Variants in NTRK2 observed in about 807,000 individuals in gnomAD.
The protein encoded by NTRK2 is neurotrophic receptor tyrosine kinase 2.
Under a neutral mutation model 94.5 loss-of-function variants are expected in NTRK2, and 13 were observed. The ratio of observed to expected loss-of-function variants is 0.14; its 90% CI spans 0.09 to 0.22. The LOEUF is 0.22. NTRK2 is among the 10% of genes least tolerant of loss of function. NTRK2 has a pLI of 1.00. For missense variants in NTRK2, 639 were observed against 1,071.2 expected, an observed-to-expected ratio of 0.60 and a Z score of 5.63; for synonymous variants, 372 against 407.4, an observed-to-expected ratio of 0.91 and a Z score of 1.05.
chr9:84,702,058 G>T, intron 2 of NTRK2, 101 bp from the exon 3 acceptor site: 1 of 1,005,350 alleles, frequency 9.9e-7, no homozygotes, highest in Non-Finnish European at 1.6e-6. Context: ...GAGTGGTGTG[G>T]AGGGAGCACC....
chr9:84,861,432 T>C (rs1265873042), intron 13 of NTRK2, among the ~76,000 whole-genome samples: 1 of 152,218 alleles, frequency 6.6e-6, no homozygotes, highest in African/African-American at 2.4e-5. Flanking sequence ...GCTGACTGAA[T>C]AGTCAAGCTG....
chr9:84,741,837 A>AT lies in NTRK2; in HGVS notation c.1160-49dup. On this transcript the variant is annotated intron_variant, in intron 9 of 18. Transcript: ENST00000277120. ...TTATTTTAGTTGACATAGGTTAGTA[A>AT]TTTTTTGACTCCAAAATGCATACTT... is the stretch of plus-strand genomic sequence containing the variant. The AT allele has an allele frequency of 2.0e-6, 3 of 1,527,008 alleles. No individual in the cohort carries two copies. The South Asian group carries it at 3.4e-5, about 17-fold the overall frequency. 94.6% of individuals were successfully genotyped at this position (1,527,008 alleles called of 1,614,324 possible).
Position 85,022,906 on chromosome 9 carries a change from A to AGG in NTRK2, c.*1471_*1472dup. The AGG allele has an allele frequency of 4.3e-6, 1 of 233,246 alleles. No homozygotes were observed. The highest frequency in any genetic ancestry group is 8.5e-6 in the Non-Finnish European group (1 of 118,050). 14.4% of individuals were successfully genotyped at this position (233,246 alleles called of 1,614,324 possible). On this transcript the variant is annotated 3_prime_UTR_variant, in exon 19 of 19. Transcript: ENST00000277120. ...CTAAGGGAAAGGAAACCTCACCCTG[A>AGG]GGGCATCACATGCACTCATGTTCAG...
chr9:84,963,409 C>T (rs1288554234), intron 17 of NTRK2, among the ~76,000 whole-genome samples: 14 of 152,178 alleles, frequency 9.2e-5, no homozygotes, highest in Admixed American at 9.2e-4. Context: ...ACATCTGTTT[C>T]TTTATTTGCA....
At chr9:84,981,515 G>A (rs548576343) in intron 17 of NTRK2, among the ~76,000 whole-genome samples, 33 of 152,186 alleles carry the variant, frequency 2.2e-4, no homozygotes, top group Admixed American at 1.4e-3. Context: ...GATTAAGCAA[G>A]TAATTATTCT....
At position 85,020,256 on chromosome 9, in the gene NTRK2, C is replaced by T. The variant is rs1183251155; in HGVS notation, c.2223C>T (p.Ile741=). The T allele has an allele frequency of 6.2e-7, 1 of 1,614,134 alleles. No individual in the cohort carries two copies. Among genetic ancestry groups the T allele is most frequent in the South Asian group, 1.1e-5 (1 of 91,076 alleles). The change falls in exon 18 of 19, where the codon ATC becomes ATT. Residue 741 remains isoleucine, a synonymous_variant. Transcript: ENST00000277120. ...TTCGCTGGATGCCTCCAGAGAGCAT[C>T]ATGTACAGGAAATTCACGACGGAAA... ...LPIRWMPPES[I]MYRKFTTESD... is the part of the protein sequence containing the mutation.
chr9:84,766,884 C>G (rs970829175), intron 12 of NTRK2, among the ~76,000 whole-genome samples: 2 of 152,118 alleles, frequency 1.3e-5, no homozygotes, highest in Non-Finnish European at 2.9e-5. Flanking sequence ...CACACACATA[C>G]ACACAAGACC....
In NTRK2 at chr9:84,814,461, G is replaced by A. The variant is rs201529391; in HGVS notation, c.1397-46579G>A. 3.8e-6 allele frequency: 4 copies of A among 1,065,338 alleles called. No individual in the cohort carries two copies. In the African/African-American group the frequency reaches 6.6e-5, roughly 17 times the overall value. 66.0% of individuals were successfully genotyped at this position (1,065,338 alleles called of 1,614,324 possible). A position where few individuals can be genotyped will look rare whatever the true frequency, so the allele number is the denominator to read the frequency against. On this transcript the variant is annotated intron_variant, in intron 12 of 18. Coordinates refer to ENST00000277120, the MANE Select transcript of NTRK2 (RefSeq NM_006180.6). Reference sequence around the variant, plus strand: ...TGACTTTTTTTTCTCTCTCTCTCTAGTATTCTAAACTGACCCCATGACCAA... The same window carrying A: ...TGACTTTTTTTTCTCTCTCTCTCTAATATTCTAAACTGACCCCATGACCAA...
At chr9:85,019,677 A>T (rs901761245) in intron 17 of NTRK2, among the ~76,000 whole-genome samples, 3 of 152,192 alleles carry the variant, frequency 2.0e-5, no homozygotes, top group Non-Finnish European at 2.9e-5. Flanking sequence ...TTATTGCCTT[A>T]TTTGTAGAAT....
chr9:85,003,607 G>A (rs897162131), intron 17 of NTRK2, among the ~76,000 whole-genome samples: 45 of 152,146 alleles, frequency 3.0e-4, no homozygotes, highest in African/African-American at 8.5e-4. Flanking sequence ...TTTGGATTTT[G>A]TTCCGAGTAC....
At chr9:84,926,212 TTC>T (rs776461791) in intron 14 of NTRK2, among the ~76,000 whole-genome samples, 9 of 137,934 alleles carry the variant, frequency 6.5e-5, no homozygotes, top group East Asian at 2.1e-4. Context: ...CTTTCTTTCT[TTC>T]TTTCTTTCTT....
intron 12 of NTRK2, among the ~76,000 whole-genome samples, chr9:84,799,515 C>G (rs1167015819): frequency 1.3e-5 from 2 of 152,026 alleles, no homozygotes; most frequent in Non-Finnish European, 2.9e-5. Flanking sequence ...GAAATTATTA[C>G]TTTAGATAAT....
At chr9:84,894,311 A>G (rs1307817644) in intron 14 of NTRK2, among the ~76,000 whole-genome samples, 2 of 152,210 alleles carry the variant, frequency 1.3e-5, no homozygotes, top group Admixed American at 1.3e-4. Context: ...CACAGTTCGT[A>G]TAAGCAGACT....
At chr9:84,710,143 C>T (rs1054561570) in intron 5 of NTRK2, among the ~76,000 whole-genome samples, 3 of 152,174 alleles carry the variant, frequency 2.0e-5, no homozygotes, top group Non-Finnish European at 4.4e-5. Context: ...TTAGTCTTAG[C>T]TTTGTACTTA....
intron 8 of NTRK2, among the ~76,000 whole-genome samples, chr9:84,726,485 T>TA (rs1017778999): frequency 4.0e-5 from 6 of 151,148 alleles, no homozygotes; most frequent in Middle Eastern, 3.4e-3. Context: ...AGAATCTGTC[T>TA]AAAAAAACAA....
intron 9 of NTRK2, among the ~76,000 whole-genome samples, chr9:84,734,746 T>G (rs2063133433): frequency 6.6e-6 from 1 of 152,218 alleles, no homozygotes; most frequent in African/African-American, 2.4e-5. Context: ...TCTGCCATGA[T>G]TGTGAGGCCT....
chr9:84,895,821 G>A (rs552283959), intron 14 of NTRK2, among the ~76,000 whole-genome samples: 1 of 152,330 alleles, frequency 6.6e-6, no homozygotes, highest in South Asian at 2.1e-4. Flanking sequence ...CATGGAGGGG[G>A]TTTAGGGAAT....
At chr9:84,813,793 C>T (rs2072075672) in intron 12 of NTRK2, 5 of 1,065,954 alleles carry the variant, frequency 4.7e-6, no homozygotes, top group Non-Finnish European at 5.7e-6. Flanking sequence ...TTGGCCCAGT[C>T]AGGTGCTGCC....
At chr9:84,747,771 G>A (rs761254293) in intron 11 of NTRK2, among the ~76,000 whole-genome samples, 3 of 152,074 alleles carry the variant, frequency 2.0e-5, no homozygotes, top group Non-Finnish European at 4.4e-5. Context: ...ATGAGCCACC[G>A]CACCTGGCCT....
Sources: gnomAD v4.1 joint callset for allele counts (sites outside exome capture counted in the v4.1 genomes callset) on GRCh38, gnomAD v4.1.1 for gene constraint, MANE v1.5 for transcripts, NCBI Gene and HGNC (gene_info 2026-07-23, HGNC 2026-07-21) for gene names.